Variants in CEP152 observed in about 807,000 individuals in gnomAD.
CEP152 encodes the protein centrosomal protein of 152 kDa.
CEP152 carries 132 observed loss-of-function variants against 188.9 expected under a neutral mutation model. That is an observed-to-expected ratio of 0.70 (90% CI 0.61 to 0.81). The LOEUF (loss-of-function observed/expected upper bound fraction) is 0.81, where lower values mean the gene tolerates loss of function less well. CEP152 is among the 30% of genes least tolerant of loss of function. The pLI is 0.00. For missense variants in CEP152, 1,914 were observed against 1,969.8 expected (o/e 0.97, Z 0.54); for synonymous variants, 649 against 666.6 (o/e 0.97, Z 0.41).
At position 48,768,869 on chromosome 15, in the gene CEP152, T is replaced by G. The variant is rs1329367700; in HGVS notation, c.1908+87A>C. On this transcript the variant is annotated intron_variant, in intron 14 of 26. Coordinates refer to ENST00000380950, the MANE Select transcript of CEP152 (RefSeq NM_001194998.2). ...TACTTGTCTACTAACTCACATTGCC[T>G]CTTTATTTGCAAAAACTCTATTATA... is the stretch of plus-strand genomic sequence containing the variant. The G allele has an allele frequency of 3.8e-6, 4 of 1,040,894 alleles. No individual in the cohort carries two copies. In the Admixed American group the frequency reaches 9.6e-5, roughly 25 times the overall value. The allele number at this position is 1,040,894 out of a possible 1,614,324, so 64.5% of individuals were successfully genotyped here.
At chr15:48,756,695 CATT>C (rs1894300726) in intron 19 of CEP152, 142 bp from the exon 20 acceptor site, 2 of 779,816 alleles carry the variant, frequency 2.6e-6, no homozygotes. Flanking sequence ...TTAGATAAGA[CATT>C]ATTCTAAAAA....
At chr15:48,740,596 T>C (rs1892880113) in intron 26 of CEP152, 1 of 151,492 alleles carries the variant, frequency 6.6e-6, no homozygotes, top group Non-Finnish European at 1.5e-5. Context: ...ACGTTCTATG[T>C]TTTTGTTGGT....
rs74012133 is a variant in CEP152, at chr15:48,738,244, C to A, written c.*5G>T. The A allele has an allele frequency of 1.7e-5, 28 of 1,610,128 alleles. No individual in the cohort carries two copies. In the South Asian group the frequency reaches 3.1e-4, roughly 18 times the overall value. ...TAATGATTCTTCTTAAATACTGTAC[C>A]ATAATTAGTCTAGATTAACAAATGG... On this transcript the variant is annotated 3_prime_UTR_variant, in exon 27 of 27. Transcript: ENST00000380950.
intron 11 of CEP152, among the ~76,000 whole-genome samples, chr15:48,781,810 G>A (rs1323574150): frequency 6.6e-6 from 1 of 152,186 alleles, no homozygotes; most frequent in East Asian, 1.9e-4. Context: ...AGCACTGGAG[G>A]AGGATATGAC....
At position 48,791,219 on chromosome 15, in the gene CEP152, A is replaced by G. The variant is rs185296937; in HGVS notation, c.972+18T>C. 1.9e-6 allele frequency: 3 copies of G among 1,604,094 alleles called. No homozygotes were observed. Among genetic ancestry groups the G allele is most frequent in the Admixed American group, 1.7e-5 (1 of 59,472 alleles). On this transcript the variant is annotated intron_variant, in intron 8 of 26. Coordinates refer to ENST00000380950, the MANE Select transcript of CEP152 (RefSeq NM_001194998.2). ...TAAACTTTTAATTTTTTTACCATAC[A>G]TAAGTTAAAATAGGTACCTGTTCTT...
chr15:48,757,155 A>T (rs1289768647), intron 19 of CEP152, among the ~76,000 whole-genome samples: 1 of 130,892 alleles, frequency 7.6e-6, no homozygotes, highest in Non-Finnish European at 1.6e-5. Context: ...TAGCGAAATC[A>T]AAAAACCTAA....
Position 48,756,509 on chromosome 15 carries a change from C to T in CEP152, c.2739G>A (p.Glu913=), listed in dbSNP as rs925132209. ...VSEAKEKWKS[E]LENMRKNILP... is the part of the protein sequence containing the mutation. ...GTATATTTTTCCTCATATTTTCAAG[C>T]TCACTCTTCCATTTCTCTTTAGCTT... The change falls in exon 20 of 27, where the codon GAG becomes GAA. Residue 913 remains glutamate (E), a synonymous_variant. Coordinates refer to ENST00000380950, the MANE Select transcript of CEP152 (RefSeq NM_001194998.2). 9.3e-6 allele frequency: 15 copies of T among 1,609,840 alleles called. No individual in the cohort carries two copies. In the Admixed American group the frequency reaches 1.0e-4, roughly 11 times the overall value.
chr15:48,731,405 C>T (rs1328059896), intron 2 of CEP152, among the ~76,000 whole-genome samples: 9 of 152,052 alleles, frequency 5.9e-5, no homozygotes, highest in Non-Finnish European at 8.8e-5. Flanking sequence ...AAAATAGTCA[C>T]GTTTTTCCTG....
downstream of CEP152, among the ~76,000 whole-genome samples, chr15:48,736,818 A>G (rs898096029): frequency 2.0e-5 from 3 of 152,196 alleles, no homozygotes; most frequent in African/African-American, 7.2e-5. Flanking sequence ...ACCAAGTGGA[A>G]AAGGTAGGTG....
chr15:48,808,713 G>A (rs1898151175), intron 1 of CEP152, among the ~76,000 whole-genome samples: 1 of 151,932 alleles, frequency 6.6e-6, no homozygotes, highest in South Asian at 2.1e-4. Flanking sequence ...TGAGTTGCTG[G>A]TGAAAATATC....
intron 9 of CEP152, among the ~76,000 whole-genome samples, chr15:48,786,891 T>C (rs1296517674): frequency 2.0e-5 from 3 of 151,956 alleles, no homozygotes; most frequent in East Asian, 1.9e-4. Context: ...TAGAAAACAC[T>C]AGAAATTCCT....
intron 24 of CEP152, 70 bp downstream of exon 24, chr15:48,744,170 C>CT (rs1223182791): frequency 7.6e-6 from 12 of 1,585,482 alleles, no homozygotes; most frequent in Non-Finnish European, 1.0e-5. Flanking sequence ...CTGGTAAACT[C>CT]TGAGTTTACT....
At chr15:48,763,297 T>A (rs1894829100) in intron 17 of CEP152, among the ~76,000 whole-genome samples, 1 of 152,236 alleles carries the variant, frequency 6.6e-6, no homozygotes. Context: ...CTTTTTCTGT[T>A]CACCACCTGG....
At chr15:48,773,868 A>G (rs948439228) in intron 12 of CEP152, among the ~76,000 whole-genome samples, 1 of 152,194 alleles carries the variant, frequency 6.6e-6, no homozygotes, top group African/African-American at 2.4e-5. Flanking sequence ...AACAAAATTC[A>G]AAATGTCTAG....
intron 1 of CEP152, among the ~76,000 whole-genome samples, chr15:48,806,963 G>A (rs1898020302): frequency 6.6e-6 from 1 of 152,048 alleles, no homozygotes; most frequent in South Asian, 2.1e-4. Context: ...GAACTTCAGT[G>A]GTAAAAATCC....
chr15:48,802,531 A>G (rs771448071), intron 2 of CEP152, among the ~76,000 whole-genome samples: 11 of 152,164 alleles, frequency 7.2e-5, no homozygotes, highest in Non-Finnish European at 1.2e-4. Flanking sequence ...CTATGCCTTT[A>G]TGCCTTGACT....
chr15:48,744,532 C>T (rs1217261216), intron 23 of CEP152, among the ~76,000 whole-genome samples, 189 bp from the exon 24 acceptor site: 1 of 151,956 alleles, frequency 6.6e-6, no homozygotes, highest in Non-Finnish European at 1.5e-5. Flanking sequence ...GTTATGGTTG[C>T]TTCAATAAAT....
chr15:48,765,460 C>CTTTTTTTTTTTTTTTTTTT (rs1370392147), intron 17 of CEP152, among the ~76,000 whole-genome samples: 1 of 151,312 alleles, frequency 6.6e-6, no homozygotes, highest in Admixed American at 6.6e-5. Context: ...TTTAACTTTT[C>CTTTTTTTTTTTTTTTTTTT]TTCTTGGACT....
Position 48,738,243 on chromosome 15 carries a change from C to T in CEP152, c.*6G>A. On this transcript the variant is annotated 3_prime_UTR_variant, in exon 27 of 27. Coordinates refer to ENST00000380950, the MANE Select transcript of CEP152 (RefSeq NM_001194998.2). ...TTAATGATTCTTCTTAAATACTGTA[C>T]CATAATTAGTCTAGATTAACAAATG... 2 of 1,609,912 alleles carry T rather than the reference C, an allele frequency of 1.2e-6. No homozygotes were observed. The highest frequency in any genetic ancestry group is 1.7e-5 in the Admixed American group (1 of 59,670).
Sources: gnomAD v4.1 joint callset for allele counts (sites outside exome capture counted in the v4.1 genomes callset) on GRCh38, gnomAD v4.1.1 for gene constraint, MANE v1.5 for transcripts, NCBI Gene and HGNC (gene_info 2026-07-23, HGNC 2026-07-21) for gene names.